Variants in CAMTA1 observed in about 807,000 individuals in gnomAD.
The protein encoded by CAMTA1 is calmodulin binding transcription activator 1.
In CAMTA1, 27 loss-of-function variants were observed where a neutral mutation model predicts 170.9. The ratio of observed to expected loss-of-function variants is 0.16; its 90% CI spans 0.12 to 0.22. The LOEUF is 0.22. Among genes scored for constraint, CAMTA1 ranks in the 10% least tolerant of loss-of-function variants. The probability of loss-of-function intolerance (pLI) is 1.00; values close to 1 mark genes in which losing one functional copy is unlikely to be tolerated. For synonymous variants in CAMTA1, 833 were observed against 891.5 expected, an observed-to-expected ratio of 0.93 and a Z score of 1.17; for missense variants, 1,619 against 2,217.2, an observed-to-expected ratio of 0.73 and a Z score of 5.42.
chr1:6,926,694 T>TCCTTCCCG (rs1410182917), intron 3 of CAMTA1, among the ~76,000 whole-genome samples: 1 of 141,530 alleles, frequency 7.1e-6, no homozygotes, highest in Admixed American at 7.2e-5. Context: ...CTTCCTTCCC[T>TCCTTCCCG]CCTTCTCTCC....
At chr1:7,546,750 A>T (rs2094698638) in intron 6 of CAMTA1, among the ~76,000 whole-genome samples, 1 of 152,106 alleles carries the variant, frequency 6.6e-6, no homozygotes, top group Non-Finnish European at 1.5e-5. Flanking sequence ...TTCCCTAATG[A>T]TCAGTGACGT....
intron 3 of CAMTA1, among the ~76,000 whole-genome samples, chr1:6,930,431 A>G (rs41447147): frequency 0.029 from 4,429 of 152,212 alleles, 67 homozygotes; most frequent in South Asian, 0.046. Flanking sequence ...AACTGATTCT[A>G]ATTTCTACTT....
At chr1:7,345,035 G>A (rs2084126836) in intron 5 of CAMTA1, among the ~76,000 whole-genome samples, 1 of 152,016 alleles carries the variant, frequency 6.6e-6, no homozygotes, top group African/African-American at 2.4e-5. Context: ...ACAGGTGTGA[G>A]CCACCGCGCC....
intron 16 of CAMTA1, among the ~76,000 whole-genome samples, chr1:7,741,478 C>T (rs1240272942): frequency 1.3e-5 from 2 of 151,702 alleles, no homozygotes. Flanking sequence ...AGAAGAATGG[C>T]GTGAACCCAG....
intron 4 of CAMTA1, among the ~76,000 whole-genome samples, chr1:7,205,215 T>C (rs906414262): frequency 6.6e-6 from 1 of 152,104 alleles, no homozygotes; most frequent in Admixed American, 6.6e-5. Flanking sequence ...TCAAGCTATT[T>C]TCCTGCCTTA....
chr1:7,728,633 G>A (rs1482483779), intron 11 of CAMTA1, among the ~76,000 whole-genome samples: 1 of 152,218 alleles, frequency 6.6e-6, no homozygotes, highest in African/African-American at 2.4e-5. Context: ...AGTAGGTTCC[G>A]AGATCAATGG....
chr1:6,839,608 AGTAGAGCAGG>A (rs751937074), intron 3 of CAMTA1, among the ~76,000 whole-genome samples: 149 of 152,250 alleles, frequency 9.8e-4, no homozygotes, highest in Non-Finnish European at 1.6e-3. Flanking sequence ...CTAAGAACAA[AGTAGAGCAGG>A]GTACTGAGGT....
At chr1:7,206,733 G>A (rs1657802151) in intron 4 of CAMTA1, among the ~76,000 whole-genome samples, 1 of 152,160 alleles carries the variant, frequency 6.6e-6, no homozygotes, top group Admixed American at 6.5e-5. Context: ...ACTCCTTTCT[G>A]TAATGTGGGA....
chr1:7,341,643 G>A (rs761245836), intron 5 of CAMTA1, among the ~76,000 whole-genome samples: 1 of 152,130 alleles, frequency 6.6e-6, no homozygotes, highest in African/African-American at 2.4e-5. Context: ...CAGCCAGCCC[G>A]GGCTTCCCAT....
At chr1:7,626,431 C>T (rs1007418380) in intron 6 of CAMTA1, among the ~76,000 whole-genome samples, 5 of 152,322 alleles carry the variant, frequency 3.3e-5, no homozygotes, top group Admixed American at 3.3e-4. Flanking sequence ...GCCCTGCCAT[C>T]ACTACCACCA....
chr1:6,961,558 G>A (rs1407134451), intron 3 of CAMTA1, among the ~76,000 whole-genome samples: 2 of 145,140 alleles, frequency 1.4e-5, no homozygotes, highest in African/African-American at 2.5e-5. Flanking sequence ...AGCCGGGGGC[G>A]TGAGAGCCCA....
intron 7 of CAMTA1, among the ~76,000 whole-genome samples, chr1:7,649,748 C>G (rs2095836210): frequency 6.6e-6 from 1 of 152,232 alleles, no homozygotes; most frequent in Admixed American, 6.5e-5. Flanking sequence ...GGCCGCATAG[C>G]TGCTTCCGTG....
chr1:6,996,291 G>T (rs932504262), intron 3 of CAMTA1, among the ~76,000 whole-genome samples: 2 of 152,164 alleles, frequency 1.3e-5, no homozygotes, highest in African/African-American at 4.8e-5. Flanking sequence ...ATGATACGTT[G>T]CAGAGACTTG....
chr1:7,119,992 A>G (rs1275567944), intron 4 of CAMTA1, among the ~76,000 whole-genome samples: 1 of 152,188 alleles, frequency 6.6e-6, no homozygotes, highest in Non-Finnish European at 1.5e-5. Context: ...GTCACATTTA[A>G]TCCTTACAAC....
chr1:6,838,685 T>C (rs1297444700), intron 3 of CAMTA1, among the ~76,000 whole-genome samples: 1 of 152,248 alleles, frequency 6.6e-6, no homozygotes, highest in Admixed American at 6.5e-5. Context: ...CATGTAGTTC[T>C]ATAACCTGGC....
chr1:7,281,332 A>G (rs1671476307), intron 5 of CAMTA1, among the ~76,000 whole-genome samples: 1 of 152,190 alleles, frequency 6.6e-6, no homozygotes, highest in African/African-American at 2.4e-5. Flanking sequence ...GTTGCTTTAC[A>G]GTTAATATGT....
At position 7,063,619 on chromosome 1, in the gene CAMTA1, T is replaced by C. The variant is rs941271124; in HGVS notation, c.235-27685T>C. Among the ~76,000 whole-genome samples, 2 of 152,216 alleles carry C rather than the reference T, an allele frequency of 1.3e-5. No individual in the cohort carries two copies. Among genetic ancestry groups the C allele is most frequent in the African/African-American group, 4.8e-5 (2 of 41,456 alleles). ...CCCTCTGCTTTTGGTCTTAAAGCTA[T>C]TTTAGATCTGAAATACCTTCCCTGG... is the stretch of plus-strand genomic sequence containing the variant. On this transcript the variant is annotated intron_variant, in intron 3 of 22. Transcript: ENST00000303635. The surrounding 1 kb of genome is among the most constrained non-coding windows in gnomAD (Gnocchi z 4.3).
intron 1 of CAMTA1, among the ~76,000 whole-genome samples, chr1:6,794,136 C>A (rs1015417946): frequency 1.3e-5 from 2 of 152,092 alleles, no homozygotes; most frequent in African/African-American, 4.8e-5. Context: ...CACATGCACA[C>A]GTATAAAGAA....
chr1:6,813,738 C>T (rs1645456341), intron 1 of CAMTA1, among the ~76,000 whole-genome samples: 1 of 152,122 alleles, frequency 6.6e-6, no homozygotes. Context: ...CCTCCCGCCT[C>T]AGCCTCCCAG....
Sources: gnomAD v4.1 joint callset for allele counts (sites outside exome capture counted in the v4.1 genomes callset) on GRCh38, gnomAD v4.1.1 for gene constraint, Gnocchi (gnomAD v3.1) non-coding constraint, MANE v1.5 for transcripts, NCBI Gene and HGNC (gene_info 2026-07-23, HGNC 2026-07-21) for gene names.